RYR2: variants seen among roughly 807,000 people sequenced by gnomAD.
RYR2 encodes ryanodine receptor 2, also known as cardiac muscle ryanodine receptor-calcium release channel.
RYR2 carries 227 observed loss-of-function variants against 601.1 expected under a neutral mutation model. The observed-to-expected ratio is 0.38, with a 90% CI of 0.34 to 0.42. RYR2 has a LOEUF of 0.42. RYR2 is among the 10% of genes least tolerant of loss of function. RYR2 has a pLI of 1.00. For missense variants in RYR2, 4,646 were observed against 6,156.5 expected, an observed-to-expected ratio of 0.75 and a Z score of 8.21; for synonymous variants, 2,223 against 2,175.1, an observed-to-expected ratio of 1.02 and a Z score of -0.61.
In RYR2 at chr1:237,819,262, C is replaced by A; in HGVS notation, c.14590+70C>A. ...GCCACATGTTGCTGAAGTTAATATT[C>A]AAGGTAGGGTAATGACGTCAAGTGT... On this transcript the variant is annotated intron_variant, in intron 101 of 104. Coordinates refer to ENST00000366574, the MANE Select transcript of RYR2 (RefSeq NM_001035.3). The surrounding 1 kb of genome is among the most constrained non-coding windows in gnomAD (Gnocchi z 4.0). 7.0e-7 allele frequency: 1 copy of A among 1,434,686 alleles called. No individual in the cohort carries two copies. The highest frequency in any genetic ancestry group is 9.7e-7 in the Non-Finnish European group (1 of 1,029,162). The allele number at this position is 1,434,686 out of a possible 1,614,324, so 88.9% of individuals were successfully genotyped here. A position where few individuals can be genotyped will look rare whatever the true frequency, so the allele number is the denominator to read the frequency against.
chr1:237,674,704 T>C (rs1218899432), intron 59 of RYR2, 27 bp from the exon 60 acceptor site: 1 of 1,371,164 alleles, frequency 7.3e-7, no homozygotes, highest in Non-Finnish European at 1.0e-6. Flanking sequence ...ACAAATTGCT[T>C]TCCCATTTTC....
intron 1 of RYR2, among the ~76,000 whole-genome samples, chr1:237,133,608 T>C (rs950602761): frequency 2.6e-5 from 4 of 152,096 alleles, no homozygotes; most frequent in Non-Finnish European, 4.4e-5. Flanking sequence ...AATTAGACAT[T>C]CCCCCAGTTG....
chr1:237,139,844 C>G (rs75394486), intron 1 of RYR2, among the ~76,000 whole-genome samples: 1 of 152,202 alleles, frequency 6.6e-6, no homozygotes, highest in Non-Finnish European at 1.5e-5. Flanking sequence ...GGTACTGAAA[C>G]TATGGTGGCT....
chr1:237,418,135 C>T (rs540297210), intron 11 of RYR2, among the ~76,000 whole-genome samples: 2 of 152,170 alleles, frequency 1.3e-5, no homozygotes, highest in African/African-American at 4.8e-5. Context: ...CTCCACCTCC[C>T]GGGTTCACAC....
At chr1:237,445,229 T>C (rs1297406777) in intron 13 of RYR2, among the ~76,000 whole-genome samples, 172 bp from the exon 14 acceptor site, 1 of 152,166 alleles carries the variant, frequency 6.6e-6, no homozygotes, top group Non-Finnish European at 1.5e-5. Context: ...GGCTAATTTG[T>C]ATAGGGAGCT....
intron 22 of RYR2, among the ~76,000 whole-genome samples, chr1:237,504,819 C>G (rs1665046597): frequency 6.6e-6 from 1 of 152,102 alleles, no homozygotes; most frequent in African/African-American, 2.4e-5. Context: ...GACAATTTTT[C>G]CACGAGCCGG....
intron 1 of RYR2, among the ~76,000 whole-genome samples, chr1:237,087,965 C>T (rs1458677926): frequency 6.6e-6 from 1 of 152,108 alleles, no homozygotes; most frequent in African/African-American, 2.4e-5. Flanking sequence ...GTATTTGTGC[C>T]ACCCATTTGG....
chr1:237,702,097 G>A, intron 66 of RYR2, 38 bp downstream of exon 66: 3 of 1,133,940 alleles, frequency 2.6e-6, no homozygotes, highest in Non-Finnish European at 4.0e-6. Context: ...ATTAATTGCT[G>A]CTTCAAGTTT....
chr1:237,213,742 C>T (rs765748093), intron 1 of RYR2, among the ~76,000 whole-genome samples: 1 of 151,710 alleles, frequency 6.6e-6, no homozygotes, highest in South Asian at 2.1e-4. Context: ...ATATGTTTAT[C>T]TCATCTGATC....
chr1:237,520,620 A>T (rs958679146), intron 24 of RYR2, among the ~76,000 whole-genome samples: 1 of 152,158 alleles, frequency 6.6e-6, no homozygotes, highest in South Asian at 2.1e-4. Flanking sequence ...TGATTTGCAG[A>T]TGTTGAACCA....
rs1553327181 is a variant in RYR2 at position 237,792,332 on chromosome 1, G to C, written c.13782+9G>C. The C allele has an allele frequency of 6.3e-7, 1 of 1,587,046 alleles. No homozygotes were observed. On this transcript the variant is annotated intron_variant, in intron 94 of 104. Transcript: ENST00000366574. ...GATACTACTGCTTGAAAGTAAGATA[G>C]TAAGGCACCAAGGTACCTGTGTGTG...
chr1:237,347,517 T>C (rs1321938676), intron 3 of RYR2, among the ~76,000 whole-genome samples: 1 of 152,176 alleles, frequency 6.6e-6, no homozygotes, highest in Non-Finnish European at 1.5e-5. Flanking sequence ...CTGTCCTAAA[T>C]GACAGTTTGA....
chr1:237,123,617 T>G (rs1056226737), intron 1 of RYR2, among the ~76,000 whole-genome samples: 13 of 150,178 alleles, frequency 8.7e-5, no homozygotes, highest in Admixed American at 4.7e-4. Flanking sequence ...AAAAAAGTGA[T>G]GAAGACTTTC....
chr1:237,449,917 T>G (rs1310805507), intron 14 of RYR2, among the ~76,000 whole-genome samples: 2 of 152,200 alleles, frequency 1.3e-5, no homozygotes, highest in Non-Finnish European at 2.9e-5. Flanking sequence ...AGCTTTTTCC[T>G]GGGATGCTGT....
chr1:237,594,886 G>GTTTTTTTTTTTTTTTTTTTTTTTTTTTTT (rs776702428), intron 33 of RYR2, among the ~76,000 whole-genome samples: 1 of 60,400 alleles, frequency 1.7e-5, no homozygotes, highest in African/African-American at 9.5e-5. Context: ...ATATCACTGG[G>GTTTTTTTTTTTTTTTTTTTTTTTTTTTTT]TTTTTTTTTT....
intron 1 of RYR2, among the ~76,000 whole-genome samples, chr1:237,161,133 G>C (rs541429179): frequency 4.6e-4 from 70 of 152,076 alleles, no homozygotes; most frequent in Middle Eastern, 3.4e-3. Context: ...AAATATTATG[G>C]GTAAAAAGAA....
intron 4 of RYR2, among the ~76,000 whole-genome samples, chr1:237,363,551 C>T (rs1245851519): frequency 6.6e-6 from 1 of 152,020 alleles, no homozygotes; most frequent in Non-Finnish European, 1.5e-5. Flanking sequence ...AGGACTTAGA[C>T]ATCAACCTGA....
intron 1 of RYR2, among the ~76,000 whole-genome samples, chr1:237,109,946 C>A (rs1669258645): frequency 6.6e-6 from 1 of 152,062 alleles, no homozygotes; most frequent in East Asian, 1.9e-4. Context: ...AGCTTGGTCA[C>A]AAGACAGACA....
At chr1:237,479,925 A>G (rs1340259413) in intron 17 of RYR2, among the ~76,000 whole-genome samples, 1 of 152,194 alleles carries the variant, frequency 6.6e-6, no homozygotes, top group Non-Finnish European at 1.5e-5. Context: ...AGGTAAAAGG[A>G]AACTAATGAA....
Sources: allele counts gnomAD v4.1 joint callset (sites outside exome capture counted in the v4.1 genomes callset), GRCh38; gene constraint gnomAD v4.1.1; non-coding constraint Gnocchi (gnomAD v3.1); transcripts MANE v1.5; gene names NCBI Gene and HGNC (gene_info 2026-07-23, HGNC 2026-07-21).